The following DYM variants were observed in gnomAD, a reference collection of about 807,000 sequenced individuals.
DYM encodes the protein dymeclin, also known as dyggve-Melchior-Clausen syndrome protein.
DYM carries 78 observed loss-of-function variants against 93.1 expected under a neutral mutation model. The observed-to-expected ratio is 0.84, with a 90% confidence interval of 0.70 to 1.01. DYM has a LOEUF of 1.01. DYM is among the 50% of genes least tolerant of loss of function. DYM has a pLI of 0.00. For synonymous variants in DYM, 321 were observed against 319.7 expected, an observed-to-expected ratio of 1.00 and a Z score of -0.04; for missense variants, 789 against 845.0, an observed-to-expected ratio of 0.93 and a Z score of 0.82.
intron 2 of DYM, among the ~76,000 whole-genome samples, chr18:49,417,685 A>C (rs1271744582): frequency 1.3e-5 from 2 of 152,250 alleles, no homozygotes; most frequent in Non-Finnish European, 2.9e-5. Context: ...GAGAAGGGAT[A>C]TATGTGCATA....
chr18:49,321,274 T>C, intron 8 of DYM: 1 of 397,830 alleles, frequency 2.5e-6, no homozygotes, highest in Admixed American at 4.4e-5. Context: ...CAGGATTTCA[T>C]CTGCAATTGA....
chr18:49,243,028 G>A (rs961426849), intron 13 of DYM, among the ~76,000 whole-genome samples: 7 of 152,148 alleles, frequency 4.6e-5, no homozygotes, highest in Non-Finnish European at 8.8e-5. Context: ...AGGAAGCTTA[G>A]GGAACGGCCA....
intron 14 of DYM, among the ~76,000 whole-genome samples, chr18:49,165,244 T>C (rs2087719187): frequency 6.6e-6 from 1 of 152,162 alleles, no homozygotes; most frequent in African/African-American, 2.4e-5. Context: ...TAAATACTTA[T>C]GTGCCTAATA....
At chr18:49,286,400 T>C in intron 9 of DYM, 34 bp downstream of exon 9, 1 of 1,606,132 alleles carries the variant, frequency 6.2e-7, no homozygotes, top group South Asian at 1.1e-5. Context: ...ACTCTCCCCA[T>C]TACAAAGAAT....
chr18:49,210,501 A>G (rs539792553), intron 13 of DYM, among the ~76,000 whole-genome samples: 1 of 152,208 alleles, frequency 6.6e-6, no homozygotes, highest in African/African-American at 2.4e-5. Flanking sequence ...GGAAAAGGAA[A>G]AACTATGGAG....
At chr18:49,130,081 C>T (rs2083239724) in intron 15 of DYM, among the ~76,000 whole-genome samples, 1 of 152,116 alleles carries the variant, frequency 6.6e-6, no homozygotes, top group South Asian at 2.1e-4. Context: ...GGAGAAGGGA[C>T]AGGAATGCAG....
At chr18:49,290,828 C>A (rs1337611662) in intron 8 of DYM, among the ~76,000 whole-genome samples, 1 of 151,994 alleles carries the variant, frequency 6.6e-6, no homozygotes, top group Non-Finnish European at 1.5e-5. Context: ...AGACTTTGTT[C>A]AGTGTAGTAT....
At chr18:49,385,490 T>C (rs1036407250) in intron 3 of DYM, among the ~76,000 whole-genome samples, 1 of 151,822 alleles carries the variant, frequency 6.6e-6, no homozygotes, top group African/African-American at 2.4e-5. Flanking sequence ...AGGTCAGGAG[T>C]TCTGAGACCA....
chr18:49,075,529 A>T (rs185115681), intron 17 of DYM, among the ~76,000 whole-genome samples: 39 of 152,110 alleles, frequency 2.6e-4, no homozygotes, highest in African/African-American at 9.2e-4. Flanking sequence ...GGATTCAGTG[A>T]AGGATAAACA....
intron 13 of DYM, among the ~76,000 whole-genome samples, chr18:49,237,161 T>A (rs552200228): frequency 1.3e-5 from 2 of 152,252 alleles, no homozygotes; most frequent in East Asian, 3.9e-4. Context: ...CTTCCCAAGA[T>A]CACACGGCTG....
chr18:49,368,236 A>C (rs1452948918), intron 5 of DYM, among the ~76,000 whole-genome samples: 1 of 152,224 alleles, frequency 6.6e-6, no homozygotes, highest in Non-Finnish European at 1.5e-5. Flanking sequence ...AGGTTTGATT[A>C]TAAAATGTGC....
At chr18:49,274,262 TG>T (rs2094791119) in intron 10 of DYM, among the ~76,000 whole-genome samples, 2 of 152,142 alleles carry the variant, frequency 1.3e-5, no homozygotes, top group African/African-American at 4.8e-5. Context: ...CGTAGATTTT[TG>T]TGACTTTCTT....
intron 5 of DYM, among the ~76,000 whole-genome samples, chr18:49,369,263 C>T (rs2066787744): frequency 6.6e-6 from 1 of 152,164 alleles, no homozygotes; most frequent in Non-Finnish European, 1.5e-5. Context: ...TCTCAGTAGG[C>T]CACCCTCCTT....
At chr18:49,166,646 G>C (rs963473785) in intron 14 of DYM, among the ~76,000 whole-genome samples, 26 of 151,892 alleles carry the variant, frequency 1.7e-4, no homozygotes, top group Non-Finnish European at 4.4e-5. Flanking sequence ...TATAAGACAT[G>C]TTTACATGGA....
At chr18:49,192,558 A>C (rs555813534) in intron 14 of DYM, among the ~76,000 whole-genome samples, 41 of 152,276 alleles carry the variant, frequency 2.7e-4, no homozygotes, top group African/African-American at 9.9e-4. Context: ...TTCTTGATAC[A>C]TTTGTTGAAG....
intron 16 of DYM, among the ~76,000 whole-genome samples, chr18:49,107,062 T>C (rs1234474527): frequency 6.6e-6 from 1 of 152,242 alleles, no homozygotes; most frequent in East Asian, 1.9e-4. Flanking sequence ...GTAGATTCGG[T>C]CTTTTCACAT....
chr18:49,159,713 C>T (rs997831802), intron 15 of DYM, among the ~76,000 whole-genome samples: 1 of 152,164 alleles, frequency 6.6e-6, no homozygotes, highest in Non-Finnish European at 1.5e-5. Flanking sequence ...GAGACCCAAT[C>T]TCTACATTTT....
chr18:49,348,045 G>T (rs1308687941), intron 6 of DYM, among the ~76,000 whole-genome samples: 1 of 152,172 alleles, frequency 6.6e-6, no homozygotes, highest in Admixed American at 6.6e-5. Flanking sequence ...AGAGACAGGC[G>T]CCATGACCCT....
intron 17 of DYM, among the ~76,000 whole-genome samples, chr18:49,081,798 G>A (rs545041761): frequency 2.0e-5 from 3 of 152,196 alleles, no homozygotes; most frequent in Non-Finnish European, 2.9e-5. Flanking sequence ...TGGTTTTCAG[G>A]CCAGAAAGGC....
Sources: allele counts gnomAD v4.1 joint callset (sites outside exome capture counted in the v4.1 genomes callset), GRCh38; gene constraint gnomAD v4.1.1; transcripts MANE v1.5; gene names NCBI Gene and HGNC (gene_info 2026-07-23, HGNC 2026-07-21).